Variants in RHOU observed in about 807,000 individuals in gnomAD.
RHOU encodes rho-related GTP-binding protein RhoU.
RHOU carries 8 observed loss-of-function variants against 12.6 expected under a neutral mutation model. That is an observed-to-expected ratio of 0.64 (90% confidence interval 0.37 to 1.15). The LOEUF is 1.15. Ranked by LOEUF, RHOU falls within the 50% of genes most tolerant of loss-of-function variation. The pLI is 0.01. For missense variants in RHOU, 258 were observed against 347.0 expected, an observed-to-expected ratio of 0.74 and a Z score of 2.04; for synonymous variants, 161 against 147.4, an observed-to-expected ratio of 1.09 and a Z score of -0.67.
the RHOU span, among the ~76,000 whole-genome samples, chr1:228,666,554 C>T: frequency 3.3e-5 from 5 of 151,906 alleles, no homozygotes; most frequent in Non-Finnish European, 7.4e-5. Context: ...TTTTTGTATC[C>T]TTTAACAAAT....
chr1:228,652,093 C>G, the RHOU span, among the ~76,000 whole-genome samples: 3 of 152,190 alleles, frequency 2.0e-5, no homozygotes, highest in African/African-American at 4.8e-5. Flanking sequence ...TTGAACTTAT[C>G]TCATTGCACC....
the RHOU span, among the ~76,000 whole-genome samples, chr1:228,716,385 C>T: frequency 6.6e-6 from 1 of 152,166 alleles, no homozygotes; most frequent in African/African-American, 2.4e-5. Context: ...TATATACACT[C>T]ATTAAATCAT....
the RHOU span, among the ~76,000 whole-genome samples, chr1:228,652,820 G>A: frequency 6.6e-6 from 1 of 151,932 alleles, no homozygotes; most frequent in Admixed American, 6.6e-5. Flanking sequence ...TATATGTTTT[G>A]TTTCCCAAAT....
At chr1:228,650,422 C>T in the RHOU span, 2 of 456,874 alleles carry the variant, frequency 4.4e-6, no homozygotes, top group African/African-American at 2.0e-5. Flanking sequence ...GCTGTGGGGT[C>T]AGCGTGCTAC....
At chr1:228,726,190 G>A in the RHOU span, among the ~76,000 whole-genome samples, 6 of 152,034 alleles carry the variant, frequency 3.9e-5, no homozygotes, top group Non-Finnish European at 5.9e-5. Context: ...CTGCCGGTCC[G>A]TACGTACTCA....
Sources: allele counts gnomAD v4.1 joint callset (sites outside exome capture counted in the v4.1 genomes callset), GRCh38; gene constraint gnomAD v4.1.1; transcripts MANE v1.5; gene names NCBI Gene and HGNC (gene_info 2026-07-23, HGNC 2026-07-21).